KAT6B: variants seen among roughly 807,000 people sequenced by gnomAD.
The protein encoded by KAT6B is lysine acetyltransferase 6B.
In KAT6B, 10 loss-of-function variants were observed where a neutral mutation model predicts 187.5. The ratio of observed to expected loss-of-function variants is 0.05; its 90% CI spans 0.03 to 0.09. The LOEUF (loss-of-function observed/expected upper bound fraction) is 0.09, where lower values mean the gene tolerates loss of function less well. Ranked by LOEUF, KAT6B falls within the 10% of genes least tolerant of loss-of-function variation. The pLI, the probability that KAT6B is intolerant of heterozygous loss-of-function variation, is 1.00. For synonymous variants in KAT6B, 861 were observed against 926.8 expected (o/e 0.93, Z 1.29); for missense variants, 1,952 against 2,558.9 (o/e 0.76, Z 5.12).
At chr10:74,979,595 T>G (rs1589745724) in intron 10 of KAT6B, among the ~76,000 whole-genome samples, 1 of 151,964 alleles carries the variant, frequency 6.6e-6, no homozygotes, top group South Asian at 2.1e-4. Context: ...CTTTCTTTCC[T>G]TGGTTAATTG....
intron 3 of KAT6B, among the ~76,000 whole-genome samples, chr10:74,911,856 G>A (rs1035273627): frequency 2.0e-5 from 3 of 151,940 alleles, no homozygotes; most frequent in Non-Finnish European, 4.4e-5. Flanking sequence ...AAGAAACAGG[G>A]TCTTGCTCTG....
At chr10:75,003,965 C>T (rs1346052429) in intron 13 of KAT6B, among the ~76,000 whole-genome samples, 1 of 151,844 alleles carries the variant, frequency 6.6e-6, no homozygotes, top group Non-Finnish European at 1.5e-5. Context: ...ATGAAACATA[C>T]GGTCTGCAGT....
chr10:74,919,285 T>C (rs1458269770), intron 3 of KAT6B, among the ~76,000 whole-genome samples: 1 of 152,214 alleles, frequency 6.6e-6, no homozygotes, highest in Admixed American at 6.5e-5. Context: ...TTGTACAATA[T>C]ATCAAGATAC....
chr10:74,826,147 G>A (rs1237422011), upstream of KAT6B, among the ~76,000 whole-genome samples: 1 of 152,122 alleles, frequency 6.6e-6, no homozygotes, highest in Non-Finnish European at 1.5e-5. Flanking sequence ...GGGTTGAGTG[G>A]GGGAGGGGAG....
At chr10:74,995,746 G>C (rs1226686707) in intron 13 of KAT6B, among the ~76,000 whole-genome samples, 3 of 152,194 alleles carry the variant, frequency 2.0e-5, no homozygotes, top group Non-Finnish European at 4.4e-5. Context: ...TGGGTTTATA[G>C]GTTGTTTCCA....
At chr10:74,959,894 A>C in intron 3 of KAT6B, 76 bp from the exon 4 acceptor site, 2 of 996,822 alleles carry the variant, frequency 2.0e-6, no homozygotes, top group African/African-American at 1.6e-5. Context: ...TGAAAAATGT[A>C]AAAAGCTTTT....
chr10:74,996,562 A>C (rs1041007566), intron 13 of KAT6B, among the ~76,000 whole-genome samples: 1 of 152,060 alleles, frequency 6.6e-6, no homozygotes, highest in Non-Finnish European at 1.5e-5. Context: ...CGAGGTCAGG[A>C]GATCGAGACC....
chr10:74,831,544 C>T (rs911038716), intron 1 of KAT6B, among the ~76,000 whole-genome samples: 2 of 152,166 alleles, frequency 1.3e-5, no homozygotes, highest in South Asian at 2.1e-4. Flanking sequence ...TTTCTGTTCT[C>T]TGTCTTGAAT....
At chr10:74,922,036 G>A (rs1437686977) in intron 3 of KAT6B, among the ~76,000 whole-genome samples, 1 of 152,176 alleles carries the variant, frequency 6.6e-6, no homozygotes, top group Non-Finnish European at 1.5e-5. Flanking sequence ...TGCCAGAAAA[G>A]ACAACTCCTA....
At chr10:74,897,206 A>G (rs1846053499) in intron 3 of KAT6B, among the ~76,000 whole-genome samples, 1 of 152,132 alleles carries the variant, frequency 6.6e-6, no homozygotes, top group Non-Finnish European at 1.5e-5. Context: ...GAAAGTTTTT[A>G]TTATAATCCT....
rs183947672 is a variant in KAT6B, at chr10:75,021,179, A to T, written c.2915A>T (p.Lys972Ile). ...ATATTGAGCCACATGGAAAAGCTGA[A>T]AACCTGTTCCAGAGCCAATGAACTT... Reference protein sequence around the residue: ...KLILSHMEKLKTCSRANELDP... With the variant: ...KLILSHMEKLITCSRANELDP... The change falls in exon 15 of 18, where the codon AAA becomes ATA. Residue 972 changes from lysine (K) to isoleucine (I), a missense_variant. Around this residue, in one of 9 missense-constraint regions of KAT6B, gnomAD observed 758 missense variants for 891.4 expected, o/e 0.85. Transcript: ENST00000287239. The T allele has an allele frequency of 6.2e-7, 1 of 1,614,066 alleles. No individual in the cohort carries two copies. Among genetic ancestry groups the T allele is most frequent in the African/African-American group, 1.3e-5 (1 of 75,040 alleles).
At chr10:74,937,955 TG>T (rs1261525862) in intron 3 of KAT6B, among the ~76,000 whole-genome samples, 1 of 152,164 alleles carries the variant, frequency 6.6e-6, no homozygotes, top group Non-Finnish European at 1.5e-5. Flanking sequence ...CATATCGAAA[TG>T]GTAAAACATA....
intron 3 of KAT6B, among the ~76,000 whole-genome samples, chr10:74,859,598 T>C (rs1190440135): frequency 6.6e-6 from 1 of 152,260 alleles, no homozygotes; most frequent in Non-Finnish European, 1.5e-5. Flanking sequence ...TTCAGCAGTC[T>C]TCTGCAGTTA....
Position 74,843,366 on chromosome 10 carries a change from C to T in KAT6B, c.509C>T (p.Pro170Leu), listed in dbSNP as rs779373950. ...VNNGRLLKDG[P>L]QYRVNYGSLD... ...AATGGGAGGTTACTGAAAGACGGAC[C>T]GCAGTACAGGGTCAATTATGGGAGC... The change falls in exon 3 of 18, where the codon CCG becomes CTG. Residue 170 changes from proline to leucine, a missense_variant. Physicochemically the swap from Pro to Leu is moderately conservative, Grantham distance 98. This residue lies in a region of KAT6B where 218 missense variants were observed against 282.6 expected (regional missense o/e 0.77). Transcript: ENST00000287239. The T allele has an allele frequency of 1.4e-5, 22 of 1,613,228 alleles. No individual in the cohort carries two copies. The highest frequency in any genetic ancestry group is 1.7e-5 in the Non-Finnish European group (20 of 1,179,666).
chr10:74,851,634 A>G (rs1201900329), intron 3 of KAT6B, among the ~76,000 whole-genome samples: 10 of 152,128 alleles, frequency 6.6e-5, no homozygotes, highest in Non-Finnish European at 1.5e-4. Flanking sequence ...TCTGGCCACA[A>G]AATGATTTTT....
At position 75,028,539 on chromosome 10, in the gene KAT6B, C is replaced by A; in HGVS notation, c.3715C>A (p.Pro1239Thr). 1.2e-6 allele frequency: 2 copies of A among 1,614,156 alleles called. No homozygotes were observed. Among genetic ancestry groups the A allele is most frequent in the South Asian group, 2.2e-5 (2 of 91,078 alleles). Reference protein sequence around the residue: ...SNLKEGSKDNPEPLKCKQVWP... With the variant: ...SNLKEGSKDNTEPLKCKQVWP... ...CTTGAAAGAAGGCAGTAAAGACAAT[C>A]CCGAACCTCTAAAGTGCAAACAAGT... is the stretch of plus-strand genomic sequence containing the variant. The change falls in exon 18 of 18, where the codon CCC becomes ACC. Residue 1239 changes from proline (P) to threonine (T), a missense_variant. This residue lies in a region of KAT6B where 758 missense variants were observed against 891.4 expected (regional missense o/e 0.85). Transcript: ENST00000287239.
intron 3 of KAT6B, among the ~76,000 whole-genome samples, chr10:74,880,761 G>A (rs369325311): frequency 6.6e-5 from 10 of 151,918 alleles, no homozygotes; most frequent in South Asian, 2.1e-4. Flanking sequence ...GATTACAGGC[G>A]CACGCCACCA....
chr10:75,029,320 T>C lies in KAT6B; in HGVS notation c.4496T>C (p.Val1499Ala), dbSNP rs748425664. ...PKELAGDPEA[V>A]PESDEEPPPG... ...GAGCTTGCTGGGGACCCTGAAGCTG[T>C]ACCCGAATCTGACGAGGAGCCACCC... is the stretch of plus-strand genomic sequence containing the variant. Residue 1499 changes from valine to alanine, a missense_variant, in exon 18 of 18, where the codon GTA becomes GCA. Coordinates refer to ENST00000287239, the MANE Select transcript of KAT6B (RefSeq NM_012330.4). This position sits in a 1 kb window ranked among gnomAD's most constrained non-coding sequence, Gnocchi z 6.2. The C allele has an allele frequency of 4.3e-6, 7 of 1,613,974 alleles. No homozygotes were observed. In the Admixed American group the frequency reaches 8.3e-5, roughly 19 times the overall value.
At position 74,976,123 on chromosome 10, in the gene KAT6B, C is replaced by G. The variant is rs773778673; in HGVS notation, c.1786C>G (p.Arg596Gly). The G allele has an allele frequency of 6.2e-7, 1 of 1,614,162 alleles. No individual in the cohort carries two copies. The change falls in exon 8 of 18, where the codon CGG becomes GGG. Residue 596 changes from arginine to glycine, a missense_variant. Around this residue, in one of 9 missense-constraint regions of KAT6B, gnomAD observed 417 missense variants for 508.9 expected, o/e 0.82. Coordinates refer to ENST00000287239, the MANE Select transcript of KAT6B (RefSeq NM_012330.4). ...HFFGKRDIRSRFISHSSSSSW... is the reference protein window; with the variant it reads ...HFFGKRDIRSGFISHSSSSSW... ...CTTTGGCAAAAGAGATATTAGAAGT[C>G]GGTTTATTTCTCACTCCTCCTCCTC...
Sources: allele counts gnomAD v4.1 joint callset (sites outside exome capture counted in the v4.1 genomes callset), GRCh38; gene constraint gnomAD v4.1.1; regional missense constraint gnomAD v4.1.1; non-coding constraint Gnocchi (gnomAD v3.1); transcripts MANE v1.5; gene names NCBI Gene and HGNC (gene_info 2026-07-23, HGNC 2026-07-21).